The following MX1 variants were observed in gnomAD, a reference collection of about 807,000 sequenced individuals.
The protein encoded by MX1 is MX dynamin like GTPase 1.
Under a neutral mutation model 66.4 loss-of-function variants are expected in MX1, and 66 were observed. That is an observed-to-expected ratio of 0.99 (90% CI 0.82 to 1.22). The LOEUF (loss-of-function observed/expected upper bound fraction) is 1.22. Among genes scored for constraint, MX1 ranks in the 50% most tolerant of loss-of-function variants. The probability of loss-of-function intolerance (pLI) is 0.00; values close to 1 mark genes in which losing one functional copy is unlikely to be tolerated. For synonymous variants in MX1, 311 were observed against 318.1 expected (o/e 0.98, Z 0.24); for missense variants, 787 against 834.3 (o/e 0.94, Z 0.70).
At chr21:41,453,897 TGCCTGAGTTAAGGCAGTGTTA>T (rs943656609) in intron 16 of MX1, among the ~76,000 whole-genome samples, 5 of 9,046 alleles carry the variant, frequency 5.5e-4, no homozygotes, top group African/African-American at 2.7e-3. Context: ...TAGAAAGAAA[TGCCTGAGTTAAGGCAGTGTTA>T]GAGGCCAAAG....
chr21:41,446,917 G>A (rs74655087), intron 13 of MX1, among the ~76,000 whole-genome samples: 4,521 of 152,276 alleles, frequency 0.03, 187 homozygotes, highest in East Asian at 0.16. Flanking sequence ...CAGTTGGGGA[G>A]GATGGTCAGG....
chr21:41,441,163 T>C lies in MX1; in HGVS notation c.730+138T>C. 1 of 1,238,226 alleles carries C rather than the reference T, an allele frequency of 8.1e-7. No homozygotes were observed. Among genetic ancestry groups the C allele is most frequent in the South Asian group, 1.5e-5 (1 of 66,116 alleles). The allele number at this position is 1,238,226 out of a possible 1,614,324, so 76.7% of individuals were successfully genotyped here. A position where few individuals can be genotyped will look rare whatever the true frequency, so the allele number is the denominator to read the frequency against. ...CTCGGTGAGAATGGGGGAGCCCGCC[T>C]GTGCTCGGTGGTCTGCCAGTGGGCA... On this transcript the variant is annotated intron_variant, in intron 9 of 16. Transcript: ENST00000398598. This position sits in a 1 kb window ranked among gnomAD's most constrained non-coding sequence, Gnocchi z 4.0.
Position 41,459,107 on chromosome 21 carries a change from A to G in MX1, c.*349A>G, listed in dbSNP as rs544155505. The G allele has an allele frequency of 2.8e-5, 10 of 358,310 alleles. No individual in the cohort carries two copies. Among genetic ancestry groups the G allele is most frequent in the African/African-American group, 1.7e-4 (8 of 48,466 alleles). The allele number at this position is 358,310 out of a possible 1,614,324, so 22.2% of individuals were successfully genotyped here. A position where few individuals can be genotyped will look rare whatever the true frequency, so the allele number is the denominator to read the frequency against. On this transcript the variant is annotated 3_prime_UTR_variant, in exon 17 of 17. Transcript: ENST00000398598. Reference sequence around the variant, plus strand: ...CATCACAGCTTATTTCCTCATTTTTATAATGTCCCTTCACAAACCCAGTGT... The same window carrying G: ...CATCACAGCTTATTTCCTCATTTTTGTAATGTCCCTTCACAAACCCAGTGT...
chr21:41,440,800 C>T, intron 8 of MX1, 87 bp from the exon 9 acceptor site: 1 of 1,509,816 alleles, frequency 6.6e-7, no homozygotes, highest in Non-Finnish European at 9.2e-7. Context: ...ACTCTTAGGG[C>T]CTAAAGCAAG....
At chr21:41,439,049 G>T (rs372844757) in intron 7 of MX1, among the ~76,000 whole-genome samples, 3 of 152,014 alleles carry the variant, frequency 2.0e-5, no homozygotes, top group African/African-American at 7.3e-5. Flanking sequence ...CACATGGCAG[G>T]TACATGGATA....
chr21:41,445,876 C>A, intron 12 of MX1, 124 bp from the exon 13 acceptor site: 1 of 1,231,500 alleles, frequency 8.1e-7, no homozygotes, highest in Non-Finnish European at 1.1e-6. Context: ...TTCCCCTGAT[C>A]CACAGTGTCC....
chr21:41,432,437 G>A (rs1333980359), intron 5 of MX1, among the ~76,000 whole-genome samples: 1 of 152,246 alleles, frequency 6.6e-6, no homozygotes, highest in East Asian at 1.9e-4. Context: ...TATACTAGAA[G>A]GAACTGGCCC....
chr21:41,449,010 G>T, intron 13 of MX1, 127 bp from the exon 14 acceptor site: 2 of 651,558 alleles, frequency 3.1e-6, no homozygotes, highest in Non-Finnish European at 4.9e-6. Flanking sequence ...TTACCAGTTA[G>T]ATTTGATTTG....
chr21:41,451,680 A>G (rs1207543080), intron 15 of MX1, among the ~76,000 whole-genome samples: 1 of 107,198 alleles, frequency 9.3e-6, no homozygotes, highest in African/African-American at 3.7e-5. Flanking sequence ...CTAAAAATAC[A>G]AAAAAGTAGC....
Position 41,449,293 on chromosome 21 carries a change from C to T in MX1, c.1430C>T (p.Thr477Met), listed in dbSNP as rs199860719. 83 of 1,608,090 alleles carry T rather than the reference C, an allele frequency of 5.2e-5. No homozygotes were observed. Among genetic ancestry groups the T allele is most frequent in the Middle Eastern group, 4.9e-4 (3 of 6,062 alleles). ...EPAVDMLHTV[T>M]DMVRLAFTDV... ...GCTGTGGATATGCTACACACCGTGA[C>T]GGGTGAGTGCTCAGTTTCACCTCTG... Residue 477 changes from threonine to methionine, a missense_variant and splice_region_variant, in exon 14 of 17, where the codon ACG becomes ATG. Physicochemically the swap from Thr to Met is moderately conservative, Grantham distance 81. Transcript: ENST00000398598.
chr21:41,438,906 CTTAGTCAGCAAGTCCGCTT>C (rs1203865316), intron 7 of MX1, among the ~76,000 whole-genome samples: 2 of 152,154 alleles, frequency 1.3e-5, no homozygotes, highest in Non-Finnish European at 2.9e-5. Flanking sequence ...CCCCCCGTGA[CTTAGTCAGCAAGTCCGCTT>C]TGAAGCCAGC....
At chr21:41,445,426 AT>A in intron 11 of MX1, 21 bp from the exon 12 acceptor site, 1 of 1,613,108 alleles carries the variant, frequency 6.2e-7, no homozygotes. Context: ...CATTTCCATT[AT>A]TTTCTCTCCA....
rs1443102268 is a variant in MX1, at chr21:41,432,087, T to A, written c.17T>A (p.Val6Glu). The change falls in exon 5 of 17, where the codon GTG becomes GAG. Residue 6 changes from valine to glutamate, a missense_variant. Physicochemically the swap from Val to Glu is moderately radical, Grantham distance 121. Transcript: ENST00000398598. MVVSE[V>E]DIAKADPAAA... ...AGAAGGAAGATGGTTGTTTCCGAAG[T>A]GGACATCGCAAAAGCTGATCCAGCT... 1.3e-5 allele frequency: 21 copies of A among 1,614,026 alleles called. No homozygotes were observed. Among genetic ancestry groups the A allele is most frequent in the Non-Finnish European group, 1.6e-5 (19 of 1,180,016 alleles).
rs115049525 is a variant in MX1 at position 41,456,633 on chromosome 21, C to T, written c.1759-1895C>T. ...GGGGACTCGAGCCTAGCCAAGCTAA[C>T]ACATGAAACACACCATCACAGCTGG... On this transcript the variant is annotated intron_variant, in intron 16 of 16. Transcript: ENST00000398598. Among the ~76,000 whole-genome samples, 691 of 152,294 alleles carry T rather than the reference C, an allele frequency of 4.5e-3. 5 individuals are homozygous for T. The highest frequency in any genetic ancestry group is 0.016 in the African/African-American group (651 of 41,550).
intron 8 of MX1, among the ~76,000 whole-genome samples, 166 bp from the exon 9 acceptor site, chr21:41,440,721 G>A (rs1319571503): frequency 6.6e-6 from 1 of 152,108 alleles, no homozygotes; most frequent in Non-Finnish European, 1.5e-5. Flanking sequence ...TTCCAGCTTG[G>A]TACCTCCAGG....
chr21:41,429,438 G>C (rs907518185), intron 3 of MX1: 2 of 152,152 alleles, frequency 1.3e-5, no homozygotes, highest in African/African-American at 4.8e-5. Flanking sequence ...TCTCAATGAT[G>C]CTCCTTATCT....
chr21:41,437,464 C>A (rs2090396483), intron 7 of MX1, among the ~76,000 whole-genome samples: 1 of 139,288 alleles, frequency 7.2e-6, no homozygotes, highest in Non-Finnish European at 1.6e-5. Context: ...CATAGTGAGA[C>A]CCCGTCTCTT....
upstream of MX1, chr21:41,426,116 AGGAGCTAGGTTTCGTTTCTGCGCCC>A (rs929740367): frequency 1.1e-5 from 2 of 174,056 alleles, no homozygotes; most frequent in African/African-American, 4.8e-5. Flanking sequence ...GTGCGGGGCC[AGGAGCTAGGTTTCGTTTCTGCGCCC>A]GGAGCCGCCC....
At chr21:41,442,029 G>A in intron 10 of MX1, 115 bp downstream of exon 10, 3 of 943,698 alleles carry the variant, frequency 3.2e-6, no homozygotes. Context: ...GTGTGTGCGT[G>A]TGTGTGTGTG....
Sources: gnomAD v4.1 joint callset for allele counts (sites outside exome capture counted in the v4.1 genomes callset) on GRCh38, gnomAD v4.1.1 for gene constraint, Gnocchi (gnomAD v3.1) non-coding constraint, MANE v1.5 for transcripts, NCBI Gene and HGNC (gene_info 2026-07-23, HGNC 2026-07-21) for gene names.